The following RP1 variants were observed in gnomAD, a reference collection of about 807,000 sequenced individuals.
RP1 encodes the protein RP1 axonemal microtubule associated, also known as oxygen-regulated protein 1.
Under a neutral mutation model 14.8 loss-of-function variants are expected in RP1, and 16 were observed. That is an observed-to-expected ratio of 1.08 (90% CI 0.73 to 1.65). The LOEUF (loss-of-function observed/expected upper bound fraction) is 1.65, where lower values mean the gene tolerates loss of function less well. RP1 is among the 40% of genes most tolerant of loss of function. The probability of loss-of-function intolerance (pLI) is 0.00; values close to 1 mark genes in which losing one functional copy is unlikely to be tolerated. For missense variants in RP1, 2,631 were observed against 2,535.0 expected, an observed-to-expected ratio of 1.04 and a Z score of -0.81; for synonymous variants, 876 against 883.6, an observed-to-expected ratio of 0.99 and a Z score of 0.15.
Position 54,622,110 on chromosome 8 carries a change from C to A in RP1, c.616-7C>A, listed in dbSNP as rs779213123. Reference sequence around the variant, plus strand: ...CATCTCAGGATAATGACTCTGGTCTCTTTTAGGTTCCCAGCCTCCAGGCAG... The same window carrying A: ...CATCTCAGGATAATGACTCTGGTCTATTTTAGGTTCCCAGCCTCCAGGCAG... On this transcript the variant is annotated splice_polypyrimidine_tract_variant and splice_region_variant and intron_variant, in intron 2 of 3. Coordinates refer to ENST00000220676, the MANE Select transcript of RP1 (RefSeq NM_006269.2). 12 of 1,614,104 alleles carry A rather than the reference C, an allele frequency of 7.4e-6. No homozygotes were observed. The highest frequency in any genetic ancestry group is 9.3e-6 in the Non-Finnish European group (11 of 1,179,996).
At chr8:54,611,895 TCC>T (rs1805605447), upstream of RP1, among the ~76,000 whole-genome samples, 2 of 138,742 alleles carry the variant, frequency 1.4e-5, no homozygotes, top group South Asian at 2.8e-4. Flanking sequence ...CTCCCTTCCT[TCC>T]TTCCTTCCTT....
chr8:54,589,958 T>C (rs1236843641), intron 1 of RP1, among the ~76,000 whole-genome samples: 4 of 152,176 alleles, frequency 2.6e-5, no homozygotes, highest in African/African-American at 9.7e-5. Context: ...TTATCCTTTT[T>C]TCCTTGAACC....
At chr8:54,707,507 C>A (rs1369750307) in intron 15 of RP1, among the ~76,000 whole-genome samples, 2 of 152,174 alleles carry the variant, frequency 1.3e-5, no homozygotes, top group Non-Finnish European at 2.9e-5. Flanking sequence ...CATAATTCTT[C>A]TGTGGGGTGA....
intron 24 of RP1, among the ~76,000 whole-genome samples, chr8:54,792,142 T>C (rs1033567357): frequency 1.3e-5 from 2 of 152,026 alleles, no homozygotes; most frequent in African/African-American, 4.8e-5. Flanking sequence ...GGGATCAATT[T>C]ATCAAGAAGA....
chr8:54,717,423 G>T (rs1412192709), intron 15 of RP1, among the ~76,000 whole-genome samples: 1 of 152,122 alleles, frequency 6.6e-6, no homozygotes, highest in Non-Finnish European at 1.5e-5. Context: ...CCTTACTTGA[G>T]TTAGATCTAG....
chr8:54,841,821 C>A (rs961143936), intron 25 of RP1, among the ~76,000 whole-genome samples: 1 of 152,162 alleles, frequency 6.6e-6, no homozygotes, highest in Non-Finnish European at 1.5e-5. Context: ...TGGCTCCAGG[C>A]TCTCTCCAGG....
chr8:54,821,339 A>C (rs574836383), intron 24 of RP1, among the ~76,000 whole-genome samples: 5 of 152,344 alleles, frequency 3.3e-5, no homozygotes, highest in African/African-American at 9.6e-5. Flanking sequence ...CTTTTTGGAA[A>C]GCTAAGGATA....
intron 23 of RP1, among the ~76,000 whole-genome samples, chr8:54,781,938 G>T (rs1810199226): frequency 6.6e-6 from 1 of 152,060 alleles, no homozygotes; most frequent in Non-Finnish European, 1.5e-5. Context: ...CAGTAAACAA[G>T]ACATCCAAGC....
chr8:54,798,788 G>A (rs1032465686), intron 24 of RP1, among the ~76,000 whole-genome samples: 6 of 152,126 alleles, frequency 3.9e-5, no homozygotes, highest in African/African-American at 1.4e-4. Flanking sequence ...AAATTATAAA[G>A]TTGTTCTTAT....
At chr8:54,565,310 A>G (rs1244899738) in intron 1 of RP1, among the ~76,000 whole-genome samples, 1 of 152,150 alleles carries the variant, frequency 6.6e-6, no homozygotes, top group Non-Finnish European at 1.5e-5. Flanking sequence ...CATGCCTGTA[A>G]TCCCAGCACT....
At chr8:54,839,320 C>A (rs1811738058) in intron 25 of RP1, among the ~76,000 whole-genome samples, 1 of 152,188 alleles carries the variant, frequency 6.6e-6, no homozygotes, top group African/African-American at 2.4e-5. Flanking sequence ...TGTTTACCAT[C>A]CCATCATCTT....
rs1369595643 is a variant in RP1 at position 54,648,804 on chromosome 8, A to G, written c.788-181A>G. Among the ~76,000 whole-genome samples, 6 of 152,346 alleles carry G rather than the reference A, an allele frequency of 3.9e-5. No individual in the cohort carries two copies. The South Asian group carries it at 8.3e-4, about 21-fold the overall frequency. ...TTCTCACTGTCACATTGTAGAAAAT[A>G]GTAATTTTATTGAGTATTTTAAATT... On this transcript the variant is annotated intron_variant, in intron 3 of 22. Coordinates refer to the RP1 transcript ENST00000636932.
chr8:54,658,334 G>A (rs1331655523), intron 6 of RP1, among the ~76,000 whole-genome samples: 5 of 149,566 alleles, frequency 3.3e-5, no homozygotes, highest in Admixed American at 2.0e-4. Context: ...GGCGGATCAC[G>A]AGGTCAGGAG....
Position 54,629,904 on chromosome 8 carries a change from A to G in RP1, c.6022A>G (p.Lys2008Glu). 1 of 1,613,948 alleles carries G rather than the reference A, an allele frequency of 6.2e-7. No homozygotes were observed. Among genetic ancestry groups the G allele is most frequent in the Non-Finnish European group, 8.5e-7 (1 of 1,179,918 alleles). ...FDLMGKRRKQ[K>E]RINFLGLEEE... ...CTTGATGGGTAAAAGAAGAAAACAA[A>G]AAAGAATTAACTTCTTGGGGTTAGA... Residue 2008 changes from lysine to glutamate, a missense_variant, in exon 4 of 4, where the codon AAA (lysine) becomes GAA (glutamate). Transcript: ENST00000220676.
chr8:54,707,195 G>A (rs952933791), intron 15 of RP1, among the ~76,000 whole-genome samples: 2 of 152,140 alleles, frequency 1.3e-5, no homozygotes, highest in African/African-American at 2.4e-5. Context: ...CTGGAGTGCA[G>A]TCATGCAATC....
intron 18 of RP1, among the ~76,000 whole-genome samples, chr8:54,735,117 C>T (rs1314681909): frequency 6.6e-6 from 1 of 152,090 alleles, no homozygotes; most frequent in African/African-American, 2.4e-5. Context: ...ATAGATGTTG[C>T]TCAGCTGAGC....
intron 24 of RP1, among the ~76,000 whole-genome samples, chr8:54,825,061 C>T (rs1158030012): frequency 2.6e-5 from 4 of 152,034 alleles, no homozygotes; most frequent in Non-Finnish European, 5.9e-5. Context: ...GCTCCGCCTC[C>T]CGGGTTCACG....
chr8:54,859,392 T>G (rs1388545300), intron 27 of RP1, among the ~76,000 whole-genome samples: 3 of 150,216 alleles, frequency 2.0e-5, no homozygotes, highest in Non-Finnish European at 3.0e-5. Flanking sequence ...TATGGAGTGG[T>G]ATCACTGTAG....
intron 15 of RP1, among the ~76,000 whole-genome samples, chr8:54,710,855 T>C (rs1395355325): frequency 2.0e-5 from 3 of 152,198 alleles, no homozygotes; most frequent in East Asian, 3.9e-4. Context: ...ATAGGTAGTT[T>C]TGGAAAAGGC....
Sources: allele counts gnomAD v4.1 joint callset (sites outside exome capture counted in the v4.1 genomes callset), GRCh38; gene constraint gnomAD v4.1.1; transcripts MANE v1.5; gene names NCBI Gene and HGNC (gene_info 2026-07-23, HGNC 2026-07-21).